The following CHL1 variants were observed in gnomAD, a reference collection of about 807,000 sequenced individuals.
The protein encoded by CHL1 is cell adhesion molecule L1 like.
CHL1 carries 96 observed loss-of-function variants against 141.9 expected under a neutral mutation model. That is an observed-to-expected ratio of 0.68 (90% CI 0.57 to 0.80). The LOEUF (loss-of-function observed/expected upper bound fraction) is 0.80. CHL1 is among the 30% of genes least tolerant of loss of function. The pLI, the probability that CHL1 is intolerant of heterozygous loss-of-function variation, is 0.00. For synonymous variants in CHL1, 613 were observed against 502.2 expected (o/e 1.22, Z -2.95); for missense variants, 1,820 against 1,457.2 (o/e 1.25, Z -4.05).
chr3:324,909 T>G (rs931364528), intron 3 of CHL1, among the ~76,000 whole-genome samples: 5 of 151,958 alleles, frequency 3.3e-5, no homozygotes, highest in African/African-American at 1.2e-4. Flanking sequence ...CTTTTTAAAA[T>G]TGTGTTTGTC....
At chr3:365,842 G>T in intron 14 of CHL1, 108 bp from the exon 15 acceptor site, 1 of 726,222 alleles carries the variant, frequency 1.4e-6, no homozygotes, top group Non-Finnish European at 2.2e-6. Context: ...AACCCTGCAT[G>T]AGGATTGGAC....
intron 2 of CHL1, among the ~76,000 whole-genome samples, chr3:286,823 G>T (rs1286803264): frequency 6.6e-6 from 1 of 152,080 alleles, no homozygotes; most frequent in Non-Finnish European, 1.5e-5. Context: ...ACCATATAAG[G>T]TAACTTTCTG....
At chr3:216,726 G>C (rs1034706750) in intron 1 of CHL1, among the ~76,000 whole-genome samples, 1 of 152,178 alleles carries the variant, frequency 6.6e-6, no homozygotes, top group Non-Finnish European at 1.5e-5. Context: ...TTTTAAGAGA[G>C]GCTGCTAAAT....
chr3:234,645 G>A (rs987207863), intron 1 of CHL1, among the ~76,000 whole-genome samples: 1 of 152,064 alleles, frequency 6.6e-6, no homozygotes, highest in Non-Finnish European at 1.5e-5. Context: ...GTGGTCAGAG[G>A]TTGAAAGCCA....
At chr3:232,876 A>T (rs1701990530) in intron 1 of CHL1, among the ~76,000 whole-genome samples, 1 of 151,972 alleles carries the variant, frequency 6.6e-6, no homozygotes, top group South Asian at 2.1e-4. Context: ...TTTCTCTGTT[A>T]CTCCACTTCC....
chr3:393,994 G>C (rs189373989), intron 23 of CHL1, among the ~76,000 whole-genome samples: 64 of 152,004 alleles, frequency 4.2e-4, no homozygotes, highest in African/African-American at 1.3e-3. Flanking sequence ...CACTATCTTG[G>C]GTGTATTTCA....
intron 2 of CHL1, among the ~76,000 whole-genome samples, chr3:304,884 A>G (rs1166760159): frequency 6.6e-6 from 1 of 152,136 alleles, no homozygotes; most frequent in Admixed American, 6.6e-5. Context: ...ATTTAGTGCT[A>G]TAAATTTCCC....
intron 16 of CHL1, among the ~76,000 whole-genome samples, chr3:380,183 T>A (rs1706861280): frequency 6.6e-6 from 1 of 152,198 alleles, no homozygotes; most frequent in South Asian, 2.1e-4. Context: ...AGCTCAGAGA[T>A]TCTGAAACCT....
intron 2 of CHL1, among the ~76,000 whole-genome samples, chr3:271,245 C>T (rs1017586981): frequency 6.6e-6 from 1 of 152,142 alleles, no homozygotes; most frequent in Non-Finnish European, 1.5e-5. Flanking sequence ...TTTTCTCTTA[C>T]CAAAATGAAA....
In CHL1 at chr3:228,669, C is replaced by T. The variant is rs146990372; in HGVS notation, c.-174-15944C>T. Among the ~76,000 whole-genome samples the T allele has an allele frequency of 3.7e-4, 57 of 152,248 alleles. No individual in the cohort carries two copies. In the East Asian group the frequency reaches 8.7e-3, roughly 23 times the overall value. ...TTATCGCAGCAATTTTATAATGGCT[C>T]ATTAACCCCTGTGAGAGGCCAGTAA... On this transcript the variant is annotated intron_variant, in intron 1 of 27. Transcript: ENST00000256509.
intron 1 of CHL1, among the ~76,000 whole-genome samples, chr3:243,042 A>G (rs1374776817): frequency 6.6e-6 from 1 of 152,208 alleles, no homozygotes; most frequent in Non-Finnish European, 1.5e-5. Flanking sequence ...GACAGATCTA[A>G]TGTTAGAACA....
intron 2 of CHL1, among the ~76,000 whole-genome samples, chr3:260,442 T>G (rs531600762): frequency 5.9e-5 from 9 of 152,174 alleles, no homozygotes; most frequent in Non-Finnish European, 1.3e-4. Context: ...ACATAAAATT[T>G]GCTATAATGT....
chr3:402,087 A>G (rs1025159677), intron 27 of CHL1, among the ~76,000 whole-genome samples: 1 of 152,242 alleles, frequency 6.6e-6, no homozygotes, highest in Admixed American at 6.5e-5. Flanking sequence ...TAAGTAAGTT[A>G]CAAACCCTGT....
chr3:295,251 T>C (rs1310756746), intron 2 of CHL1, among the ~76,000 whole-genome samples: 1 of 152,210 alleles, frequency 6.6e-6, no homozygotes, highest in African/African-American at 2.4e-5. Flanking sequence ...AAAATTATTT[T>C]CTTTACACGA....
intron 5 of CHL1, among the ~76,000 whole-genome samples, chr3:339,571 G>T (rs1033538376): frequency 1.3e-5 from 2 of 152,184 alleles, no homozygotes; most frequent in African/African-American, 2.4e-5. Context: ...TTCCGAAATT[G>T]CAAAGGCAGT....
intron 1 of CHL1, among the ~76,000 whole-genome samples, chr3:210,811 G>A (rs1699843497): frequency 6.6e-6 from 1 of 152,128 alleles, no homozygotes; most frequent in Non-Finnish European, 1.5e-5. Flanking sequence ...TCCCCCTCCC[G>A]ACACTTCCTA....
chr3:238,887 C>A (rs1028810850), intron 1 of CHL1, among the ~76,000 whole-genome samples: 6 of 152,016 alleles, frequency 3.9e-5, no homozygotes, highest in African/African-American at 1.4e-4. Flanking sequence ...GAGCCAAAAT[C>A]GCGCCATTGC....
intron 16 of CHL1, 150 bp downstream of exon 16, chr3:378,092 A>T (rs1282689174): frequency 1.7e-6 from 1 of 574,204 alleles, no homozygotes; most frequent in African/African-American, 2.0e-5. Flanking sequence ...ACAACTTCAA[A>T]TCCTTTCTCC....
intron 13 of CHL1, among the ~76,000 whole-genome samples, chr3:363,001 C>A (rs1303392368): frequency 1.3e-5 from 2 of 152,148 alleles, no homozygotes; most frequent in African/African-American, 4.8e-5. Flanking sequence ...AAGCACTGAG[C>A]ATGGACTTGG....
Sources: gnomAD v4.1 joint callset for allele counts (sites outside exome capture counted in the v4.1 genomes callset) on GRCh38, gnomAD v4.1.1 for gene constraint, MANE v1.5 for transcripts, NCBI Gene and HGNC (gene_info 2026-07-23, HGNC 2026-07-21) for gene names.